The following PTPN9 variants were observed in gnomAD, a reference collection of about 807,000 sequenced individuals.
PTPN9 encodes the protein tyrosine-protein phosphatase non-receptor type 9.
Under a neutral mutation model 69.8 loss-of-function variants are expected in PTPN9, and 26 were observed. The observed-to-expected ratio is 0.37, with a 90% CI of 0.27 to 0.52. The LOEUF (loss-of-function observed/expected upper bound fraction) is 0.52, where lower values mean the gene tolerates loss of function less well. Ranked by LOEUF, PTPN9 falls within the 20% of genes least tolerant of loss-of-function variation. The pLI, the probability that PTPN9 is intolerant of heterozygous loss-of-function variation, is 0.91. For synonymous variants in PTPN9, 274 were observed against 272.5 expected (o/e 1.01, Z -0.05); for missense variants, 549 against 740.3 (o/e 0.74, Z 3.00).
intron 6 of PTPN9, among the ~76,000 whole-genome samples, chr15:75,508,199 C>T (rs981667285): frequency 3.1e-4 from 47 of 152,070 alleles, no homozygotes; most frequent in Non-Finnish European, 5.7e-4. Flanking sequence ...TCATGGAACA[C>T]GCAGGAGATT....
chr15:75,533,737 T>C (rs1413870707), intron 1 of PTPN9, among the ~76,000 whole-genome samples: 1 of 152,172 alleles, frequency 6.6e-6, no homozygotes, highest in African/African-American at 2.4e-5. Context: ...GGGTACACCC[T>C]GGACACAATT....
In PTPN9 at chr15:75,558,971, C is replaced by T. The variant is rs11630528; in HGVS notation, c.63+19743G>A. ...GCCACCCCGTCTGGGAAGTGAGGAGCGTCTCTGCCTGGCCACCCATCGTCT... is the reference window on the plus strand; with the variant it reads ...GCCACCCCGTCTGGGAAGTGAGGAGTGTCTCTGCCTGGCCACCCATCGTCT... On this transcript the variant is annotated intron_variant, in intron 1 of 12. Transcript: ENST00000618819. Among the ~76,000 whole-genome samples the T allele has an allele frequency of 4.0e-3, 602 of 152,206 alleles. 2 individuals are homozygous for T. The highest frequency in any genetic ancestry group is 6.6e-3 in the Non-Finnish European group (447 of 67,998).
At chr15:75,541,795 C>T (rs528761400) in intron 1 of PTPN9, among the ~76,000 whole-genome samples, 1 of 151,636 alleles carries the variant, frequency 6.6e-6, no homozygotes, top group Admixed American at 6.6e-5. Flanking sequence ...CAACCTCCAC[C>T]TCCCAGGTTC....
intron 8 of PTPN9, among the ~76,000 whole-genome samples, chr15:75,484,792 TA>T: frequency 6.6e-6 from 1 of 152,182 alleles, no homozygotes; most frequent in East Asian, 1.9e-4. Context: ...TTCCTCAACC[TA>T]TCACTCGTTC....
At chr15:75,530,556 T>A (rs1328009582) in intron 1 of PTPN9, among the ~76,000 whole-genome samples, 1 of 50,906 alleles carries the variant, frequency 2.0e-5, no homozygotes, top group Admixed American at 3.4e-4. Flanking sequence ...TATAATATAT[T>A]ATATATTATT....
chr15:75,530,832 T>C (rs2074960205), intron 1 of PTPN9, among the ~76,000 whole-genome samples: 1 of 101,398 alleles, frequency 9.9e-6, no homozygotes. Flanking sequence ...ATATAATATA[T>C]ATTATAATAT....
intron 8 of PTPN9, 136 bp from the exon 9 acceptor site, chr15:75,480,050 C>T: frequency 1.7e-6 from 1 of 577,558 alleles, no homozygotes; most frequent in Non-Finnish European, 3.0e-6. Flanking sequence ...GTGAAATGGC[C>T]AGCTCAAACC....
chr15:75,516,390 G>A (rs8027802), intron 5 of PTPN9, among the ~76,000 whole-genome samples: 52,616 of 147,428 alleles, frequency 0.36, 10,229 homozygotes, highest in African/African-American at 0.52. Context: ...TGCAAGCTCC[G>A]CCTCCCGGAT....
chr15:75,529,043 G>C (rs1335696495), intron 1 of PTPN9, among the ~76,000 whole-genome samples: 1 of 151,856 alleles, frequency 6.6e-6, no homozygotes, highest in Non-Finnish European at 1.5e-5. Flanking sequence ...CTGGAGTGCA[G>C]TGGTGCGATC....
chr15:75,498,889 A>G (rs1056162770), intron 7 of PTPN9, among the ~76,000 whole-genome samples: 1 of 152,148 alleles, frequency 6.6e-6, no homozygotes, highest in Non-Finnish European at 1.5e-5. Flanking sequence ...AACTGCACAG[A>G]ACTAAATACA....
At chr15:75,569,969 C>T (rs1040386781) in intron 1 of PTPN9, among the ~76,000 whole-genome samples, 6 of 151,928 alleles carry the variant, frequency 3.9e-5, no homozygotes, top group South Asian at 4.2e-4. Context: ...TACAGGTGAG[C>T]GCCACCACTC....
At chr15:75,507,832 C>A (rs1258003601) in intron 6 of PTPN9, among the ~76,000 whole-genome samples, 1 of 151,932 alleles carries the variant, frequency 6.6e-6, no homozygotes, top group Non-Finnish European at 1.5e-5. Flanking sequence ...ATCATGAGGT[C>A]AGGAGTTCGA....
At chr15:75,537,754 A>C (rs1437120685) in intron 1 of PTPN9, among the ~76,000 whole-genome samples, 1 of 95,062 alleles carries the variant, frequency 1.1e-5, no homozygotes, top group Non-Finnish European at 2.1e-5. Flanking sequence ...ACTCCATCTC[A>C]AAAAAAAAAA....
intron 1 of PTPN9, among the ~76,000 whole-genome samples, chr15:75,547,236 A>C (rs2075036929): frequency 6.8e-6 from 1 of 146,684 alleles, no homozygotes; most frequent in African/African-American, 2.5e-5. Flanking sequence ...CAGAGGTTGC[A>C]GTGAGCTGAG....
chr15:75,502,106 TAAAAG>T (rs527561245), intron 7 of PTPN9, among the ~76,000 whole-genome samples: 6 of 147,124 alleles, frequency 4.1e-5, no homozygotes, highest in African/African-American at 1.5e-4. Flanking sequence ...AAGAAAAGGA[TAAAAG>T]AAAAGAAAAG....
chr15:75,539,664 T>C lies in PTPN9; in HGVS notation c.64-12403A>G, dbSNP rs140839218. Among the ~76,000 whole-genome samples, 328 of 151,964 alleles carry C rather than the reference T, an allele frequency of 2.2e-3. 2 individuals are homozygous for C. The highest frequency in any genetic ancestry group is 7.4e-3 in the African/African-American group (306 of 41,464). On this transcript the variant is annotated intron_variant, in intron 1 of 12. Transcript: ENST00000618819. Reference sequence around the variant, plus strand: ...GTAGAAATGTTCACCCATTTGAATATGTGAACTTTTTTATTGTTGTTTTTT... The same window carrying C: ...GTAGAAATGTTCACCCATTTGAATACGTGAACTTTTTTATTGTTGTTTTTT...
rs760742888 is a variant in PTPN9 at position 75,505,936 on chromosome 15, C to T, written c.707G>A (p.Gly236Asp). Residue 236 changes from glycine (G) to aspartate (D), a missense_variant, in exon 7 of 13, where the codon GGT becomes GAT. This residue lies in a region of PTPN9 where 457 missense variants were observed against 661.9 expected (regional missense o/e 0.69). Transcript: ENST00000618819. The part of the protein sequence containing the change: ...LPRECLPENL[G>D]GYVKIDLATW... ...GGCGAGATCAATTTTGACGTACCCA[C>T]CCAGGTTTTCTGGAAGACACTCCCT... The T allele has an allele frequency of 3.1e-6, 5 of 1,613,908 alleles. No individual in the cohort carries two copies. The highest frequency in any genetic ancestry group is 4.5e-5 in the East Asian group (2 of 44,892).
At chr15:75,510,567 G>A (rs1381329214) in intron 5 of PTPN9, among the ~76,000 whole-genome samples, 2 of 151,786 alleles carry the variant, frequency 1.3e-5, no homozygotes, top group Non-Finnish European at 2.9e-5. Flanking sequence ...ATGGTTAAAT[G>A]TATTACTGTT....
intron 5 of PTPN9, among the ~76,000 whole-genome samples, chr15:75,509,539 T>A (rs2074836112): frequency 1.3e-5 from 2 of 151,174 alleles, no homozygotes; most frequent in Admixed American, 1.3e-4. Flanking sequence ...AATACAAAAT[T>A]AGCCAGGCAC....
Sources: allele counts gnomAD v4.1 joint callset (sites outside exome capture counted in the v4.1 genomes callset), GRCh38; gene constraint gnomAD v4.1.1; regional missense constraint gnomAD v4.1.1; transcripts MANE v1.5; gene names NCBI Gene and HGNC (gene_info 2026-07-23, HGNC 2026-07-21).